Variants in XRCC4 observed in about 807,000 individuals in gnomAD.
XRCC4 encodes the protein X-ray repair cross complementing 4.
A neutral mutation model predicts 39.1 loss-of-function variants in XRCC4; 28 were observed. The ratio of observed to expected loss-of-function variants is 0.72; its 90% confidence interval spans 0.53 to 0.98. The LOEUF is 0.98. Among genes scored for constraint, XRCC4 ranks in the 50% least tolerant of loss-of-function variants. The probability of loss-of-function intolerance (pLI) is 0.00; values close to 1 mark genes in which losing one functional copy is unlikely to be tolerated. For missense variants in XRCC4, 350 were observed against 376.4 expected (o/e 0.93, Z 0.58); for synonymous variants, 123 against 126.4 (o/e 0.97, Z 0.18).
intron 6 of XRCC4, among the ~76,000 whole-genome samples, chr5:83,252,372 A>G (rs1450774115): frequency 6.6e-6 from 1 of 152,194 alleles, no homozygotes; most frequent in African/African-American, 2.4e-5. Flanking sequence ...AAAAGCAGTC[A>G]TAGTAGACTG....
chr5:83,370,867 A>C, the XRCC4 span, among the ~76,000 whole-genome samples: 1 of 151,942 alleles, frequency 6.6e-6, no homozygotes, highest in African/African-American at 2.4e-5. Context: ...TCTTCCTCTA[A>C]CTCTGCCCCA....
chr5:83,089,534 G>A (rs1463893824), intron 1 of XRCC4, among the ~76,000 whole-genome samples: 1 of 152,014 alleles, frequency 6.6e-6, no homozygotes, highest in African/African-American at 2.4e-5. Context: ...ATCTATCTAG[G>A]GTTAGTGTCA....
At chr5:83,274,605 A>G (rs1170320017) in intron 7 of XRCC4, among the ~76,000 whole-genome samples, 1 of 152,256 alleles carries the variant, frequency 6.6e-6, no homozygotes, top group African/African-American at 2.4e-5. Context: ...AAGGTGATGC[A>G]AAAGATAGTG....
chr5:83,345,675 C>T (rs1756897587), intron 7 of XRCC4, among the ~76,000 whole-genome samples: 1 of 152,078 alleles, frequency 6.6e-6, no homozygotes, highest in Non-Finnish European at 1.5e-5. Flanking sequence ...AATACTAATG[C>T]TTCTCGTTTG....
intron 7 of XRCC4, among the ~76,000 whole-genome samples, chr5:83,315,013 T>C (rs1561470824): frequency 6.6e-6 from 1 of 152,082 alleles, no homozygotes; most frequent in Non-Finnish European, 1.5e-5. Flanking sequence ...AAGCCAAAAG[T>C]CAAAAGGTAC....
At chr5:83,282,075 GAAGA>G (rs957600367) in intron 7 of XRCC4, among the ~76,000 whole-genome samples, 1 of 152,214 alleles carries the variant, frequency 6.6e-6, no homozygotes, top group African/African-American at 2.4e-5. Context: ...AAGAAAAGAT[GAAGA>G]AATATGTCAG....
In XRCC4 at chr5:83,110,889, A is replaced by G. The variant is rs1161079549; in HGVS notation, c.140-139A>G. ...GTAAAAAGGAATAATTTGATTTAAAAATGTGTAGTATAGGGATTGATTTTA... is the reference window on the plus strand; with the variant it reads ...GTAAAAAGGAATAATTTGATTTAAAGATGTGTAGTATAGGGATTGATTTTA... On this transcript the variant is annotated intron_variant, in intron 2 of 7. Transcript: ENST00000396027. 7 of 727,066 alleles carry G rather than the reference A, an allele frequency of 9.6e-6. No homozygotes were observed. In the Admixed American group the frequency reaches 2.4e-4, roughly 25 times the overall value. The allele number at this position is 727,066 out of a possible 1,614,324, so 45.0% of individuals were successfully genotyped here.
chr5:83,243,976 G>C (rs1373779967), intron 6 of XRCC4, among the ~76,000 whole-genome samples: 3 of 152,132 alleles, frequency 2.0e-5, no homozygotes, highest in Admixed American at 6.6e-5. Context: ...AATGGAGGAA[G>C]TAATATTGGA....
At chr5:83,362,622 A>C in the XRCC4 span, among the ~76,000 whole-genome samples, 1 of 152,190 alleles carries the variant, frequency 6.6e-6, no homozygotes, top group Admixed American at 6.5e-5. Context: ...TTTTATACCA[A>C]ATACTGCCAT....
chr5:83,373,637 T>A, the XRCC4 span, among the ~76,000 whole-genome samples: 13 of 152,186 alleles, frequency 8.5e-5, no homozygotes, highest in African/African-American at 3.1e-4. Flanking sequence ...TCAATCCTGA[T>A]CACATGAAGA....
chr5:83,237,155 T>C (rs1161775654), intron 6 of XRCC4, among the ~76,000 whole-genome samples: 1 of 152,068 alleles, frequency 6.6e-6, no homozygotes, highest in Non-Finnish European at 1.5e-5. Flanking sequence ...AATACAGATG[T>C]TCCTCAAAAA....
chr5:83,205,069 T>A, intron 6 of XRCC4, 148 bp downstream of exon 6: 1 of 567,800 alleles, frequency 1.8e-6, no homozygotes, highest in African/African-American at 1.9e-5. Flanking sequence ...CTCAAATTTT[T>A]AATGTTAAAA....
intron 1 of XRCC4, among the ~76,000 whole-genome samples, chr5:83,086,909 C>G (rs6880566): frequency 0.49 from 74,075 of 151,970 alleles, 18,834 homozygotes; most frequent in African/African-American, 0.62. Context: ...ACCTAAATGC[C>G]TAACCATGAT....
chr5:83,086,045 T>G (rs924006995), intron 1 of XRCC4, among the ~76,000 whole-genome samples: 1 of 152,224 alleles, frequency 6.6e-6, no homozygotes, highest in Non-Finnish European at 1.5e-5. Flanking sequence ...TAAAACAATC[T>G]TAAGAACATA....
chr5:83,115,599 T>C (rs1746673538), intron 3 of XRCC4, among the ~76,000 whole-genome samples: 1 of 152,210 alleles, frequency 6.6e-6, no homozygotes, highest in South Asian at 2.1e-4. Context: ...CTACAGTTGG[T>C]TTGGCATATA....
chr5:83,332,167 A>G (rs943340517), intron 7 of XRCC4, among the ~76,000 whole-genome samples: 2 of 151,470 alleles, frequency 1.3e-5, no homozygotes, highest in African/African-American at 4.8e-5. Flanking sequence ...TAAAGACAGA[A>G]CTTACAATTG....
At chr5:83,136,103 G>A in intron 3 of XRCC4, among the ~76,000 whole-genome samples, 1 of 151,998 alleles carries the variant, frequency 6.6e-6, no homozygotes, top group Non-Finnish European at 1.5e-5. Context: ...TTTATTTTAG[G>A]TTTAATTTTA....
At chr5:83,249,291 ATT>A (rs1173041077) in intron 6 of XRCC4, among the ~76,000 whole-genome samples, 2 of 152,056 alleles carry the variant, frequency 1.3e-5, no homozygotes, top group African/African-American at 4.8e-5. Flanking sequence ...TTTGGTATAG[ATT>A]TTTTCTTATT....
chr5:83,158,222 TTC>T (rs1749050901), intron 3 of XRCC4, among the ~76,000 whole-genome samples: 1 of 152,154 alleles, frequency 6.6e-6, no homozygotes, highest in African/African-American at 2.4e-5. Context: ...TCTTTTATGT[TTC>T]TGTGTTAGGA....
Sources: allele counts gnomAD v4.1 joint callset (sites outside exome capture counted in the v4.1 genomes callset), GRCh38; gene constraint gnomAD v4.1.1; transcripts MANE v1.5; gene names NCBI Gene and HGNC (gene_info 2026-07-23, HGNC 2026-07-21).